Variants in GALK2 observed in about 807,000 individuals in gnomAD.
GALK2 encodes the protein galactokinase 2, also known as N-acetylgalactosamine kinase.
In GALK2, 36 loss-of-function variants were observed where a neutral mutation model predicts 52.4. That is an observed-to-expected ratio of 0.69 (90% CI 0.53 to 0.91). The LOEUF (loss-of-function observed/expected upper bound fraction) is 0.91. Ranked by LOEUF, GALK2 falls within the 40% of genes least tolerant of loss-of-function variation. The pLI is 0.00. For missense variants in GALK2, 579 were observed against 559.1 expected (o/e 1.04, Z -0.36); for synonymous variants, 176 against 199.1 (o/e 0.88, Z 0.98).
Position 49,156,677 on chromosome 15 carries a change from G to A in GALK2, c.20+661G>A, listed in dbSNP as rs1387993892. On this transcript the variant is annotated intron_variant, in intron 1 of 9. Coordinates refer to the GALK2 transcript ENST00000327171. ...CAAAGGCAAAATTTCCACTGTAGAA[G>A]CATTGACACTTTTCAATAATCATAA... The A allele has an allele frequency of 1.2e-5, 6 of 516,762 alleles. No individual in the cohort carries two copies. The East Asian group carries it at 2.6e-4, about 23-fold the overall frequency. The allele number at this position is 516,762 out of a possible 1,614,324, so 32.0% of individuals were successfully genotyped here. A position where few individuals can be genotyped will look rare whatever the true frequency, so the allele number is the denominator to read the frequency against.
At position 49,239,370 on chromosome 15, in the gene GALK2, A is replaced by G; in HGVS notation, c.504+3A>G. 1 of 1,613,038 alleles carries G rather than the reference A, an allele frequency of 6.2e-7. No individual in the cohort carries two copies. Among genetic ancestry groups the G allele is most frequent in the South Asian group, 1.1e-5 (1 of 90,860 alleles). On this transcript the variant is annotated splice_donor_region_variant and intron_variant, in intron 5 of 9. Transcript: ENST00000560031. ...TGCTGGGAAGGAATCTATCCAAGGT[A>G]ACTACCTTTGATAGGAAACCTCATA...
At chr15:49,354,439 G>A (rs960751221) in intron 3 of GALK2, among the ~76,000 whole-genome samples, 11 of 152,230 alleles carry the variant, frequency 7.2e-5, no homozygotes, top group East Asian at 1.9e-4. Context: ...CTTGGGAAGC[G>A]CAAGGGGTCA....
chr15:49,316,587 A>G (rs2036433566), intron 8 of GALK2, among the ~76,000 whole-genome samples: 1 of 152,326 alleles, frequency 6.6e-6, no homozygotes, highest in South Asian at 2.1e-4. Flanking sequence ...CACGTTGTGC[A>G]CATGTACCCT....
chr15:49,366,765 T>C, intron 3 of GALK2: 1 of 690,622 alleles, frequency 1.4e-6, no homozygotes, highest in Non-Finnish European at 2.4e-6. Context: ...CTGCGCTGCC[T>C]CCGTGGCGGG....
At chr15:49,338,096 G>T (rs2040071685) in intron 3 of GALK2, among the ~76,000 whole-genome samples, 2 of 152,236 alleles carry the variant, frequency 1.3e-5, no homozygotes, top group African/African-American at 2.4e-5. Flanking sequence ...TTCCATTGTT[G>T]TGTCTTTTAA....
intron 3 of GALK2, among the ~76,000 whole-genome samples, chr15:49,226,382 T>C (rs2090137277): frequency 1.3e-5 from 2 of 152,150 alleles, no homozygotes; most frequent in African/African-American, 4.8e-5. Flanking sequence ...TCTTCTCTTT[T>C]CAGCCTCAGT....
At chr15:49,303,099 G>A (rs8039512) in intron 8 of GALK2, among the ~76,000 whole-genome samples, 61,833 of 151,788 alleles carry the variant, frequency 0.41, 12,714 homozygotes, top group African/African-American at 0.43. Flanking sequence ...TCAGTTGTCT[G>A]GCTGTGGAGG....
chr15:49,236,267 A>G (rs1472414485), intron 4 of GALK2, among the ~76,000 whole-genome samples: 2 of 152,200 alleles, frequency 1.3e-5, no homozygotes, highest in African/African-American at 2.4e-5. Flanking sequence ...TGGGATGTAT[A>G]GGGGTATACT....
At chr15:49,310,389 T>G (rs1186315145) in intron 8 of GALK2, among the ~76,000 whole-genome samples, 1 of 152,206 alleles carries the variant, frequency 6.6e-6, no homozygotes, top group Non-Finnish European at 1.5e-5. Context: ...TTCTTTCTTT[T>G]GGATAAATAC....
rs1312233638 is a variant in GALK2 at position 49,315,466 on chromosome 15, G to A, written c.968-4138G>A. Among the ~76,000 whole-genome samples, 3 of 152,124 alleles carry A rather than the reference G, an allele frequency of 2.0e-5. No homozygotes were observed. The East Asian group carries it at 5.8e-4, about 29-fold the overall frequency. On this transcript the variant is annotated intron_variant, in intron 8 of 9. Coordinates refer to ENST00000560031, the MANE Select transcript of GALK2 (RefSeq NM_002044.4). ...GATTTTCTTGGATTTTTTGGTATCT[G>A]TATAACAGAGACCTGATGAGTTGCC...
At chr15:49,264,059 C>G (rs1176746242) in intron 5 of GALK2, among the ~76,000 whole-genome samples, 1 of 151,806 alleles carries the variant, frequency 6.6e-6, no homozygotes, top group African/African-American at 2.4e-5. Context: ...TGGAGTTGCT[C>G]TTCTCGAGGA....
intron 2 of GALK2, among the ~76,000 whole-genome samples, chr15:49,209,015 T>C (rs556636616): frequency 6.6e-6 from 1 of 152,336 alleles, no homozygotes; most frequent in East Asian, 1.9e-4. Context: ...AATGCCTTTT[T>C]CTACCCCTTT....
chr15:49,235,718 A>G (rs1420524635), intron 3 of GALK2, 133 bp from the exon 4 acceptor site: 1 of 778,046 alleles, frequency 1.3e-6, no homozygotes, highest in African/African-American at 1.7e-5. Context: ...TTTGCTGTAG[A>G]CACACAGTTT....
At chr15:49,351,257 T>C (rs915980561) in intron 3 of GALK2, among the ~76,000 whole-genome samples, 4 of 152,170 alleles carry the variant, frequency 2.6e-5, no homozygotes, top group Non-Finnish European at 5.9e-5. Context: ...TTCCACACAA[T>C]GCAAAAATGA....
chr15:49,293,921 A>G (rs560629860), intron 8 of GALK2, among the ~76,000 whole-genome samples: 1 of 151,904 alleles, frequency 6.6e-6, no homozygotes, highest in South Asian at 2.1e-4. Context: ...CCAACATAGT[A>G]AAACCCTGCC....
At chr15:49,341,268 GT>G (rs1567106021) in intron 3 of GALK2, among the ~76,000 whole-genome samples, 1 of 152,072 alleles carries the variant, frequency 6.6e-6, no homozygotes, top group South Asian at 2.1e-4. Flanking sequence ...TTTTAGAATA[GT>G]TTTTTTCTAA....
At chr15:49,222,850 T>C (rs540978112) in intron 3 of GALK2, among the ~76,000 whole-genome samples, 2 of 152,212 alleles carry the variant, frequency 1.3e-5, no homozygotes, top group African/African-American at 2.4e-5. Flanking sequence ...GCCTGCAGTT[T>C]TGGTTTTTGT....
At chr15:49,209,906 G>A (rs372298976) in intron 2 of GALK2, among the ~76,000 whole-genome samples, 1 of 152,124 alleles carries the variant, frequency 6.6e-6, no homozygotes, top group East Asian at 1.9e-4. Context: ...GAAAAGAATT[G>A]GTGTTAGTTC....
downstream of GALK2, chr15:49,334,151 G>T: frequency 1.7e-6 from 1 of 598,558 alleles, no homozygotes; most frequent in Non-Finnish European, 2.1e-6. Flanking sequence ...GCAGTTTTGT[G>T]GTTTTATGTA....
Sources: allele counts gnomAD v4.1 joint callset (sites outside exome capture counted in the v4.1 genomes callset), GRCh38; gene constraint gnomAD v4.1.1; transcripts MANE v1.5; gene names NCBI Gene and HGNC (gene_info 2026-07-23, HGNC 2026-07-21).